PDE4D: variants seen among roughly 807,000 people sequenced by gnomAD.
PDE4D encodes the protein 3',5'-cyclic-AMP phosphodiesterase 4D.
In PDE4D, 24 loss-of-function variants were observed where a neutral mutation model predicts 87.4. The ratio of observed to expected loss-of-function variants is 0.27; its 90% confidence interval spans 0.20 to 0.39. The LOEUF (loss-of-function observed/expected upper bound fraction) is 0.39. PDE4D is among the 10% of genes least tolerant of loss of function. The probability of loss-of-function intolerance (pLI) is 1.00; values close to 1 mark genes in which losing one functional copy is unlikely to be tolerated. For synonymous variants in PDE4D, 384 were observed against 383.2 expected, an observed-to-expected ratio of 1.00 and a Z score of -0.02; for missense variants, 714 against 1,041.0, an observed-to-expected ratio of 0.69 and a Z score of 4.32.
intron 3 of PDE4D, among the ~76,000 whole-genome samples, chr5:59,920,883 G>A (rs1754592950): frequency 7.1e-6 from 1 of 139,898 alleles, no homozygotes; most frequent in Non-Finnish European, 1.6e-5. Flanking sequence ...GGGGGGAGGG[G>A]GAGGGAAAGC....
chr5:60,227,556 A>G (rs569549688), intron 1 of PDE4D, among the ~76,000 whole-genome samples: 2 of 138,892 alleles, frequency 1.4e-5, no homozygotes, highest in South Asian at 5.4e-4. Flanking sequence ...GGAAGGGTAG[A>G]AGGGAGGGAA....
At chr5:60,318,036 C>T (rs192366543) in intron 1 of PDE4D, among the ~76,000 whole-genome samples, 6 of 152,048 alleles carry the variant, frequency 3.9e-5, no homozygotes, top group Admixed American at 2.0e-4. Flanking sequence ...AATTCCTGGA[C>T]ATCCTTGTTA....
chr5:59,395,305 A>G (rs1318076183), intron 1 of PDE4D, among the ~76,000 whole-genome samples: 1 of 152,234 alleles, frequency 6.6e-6, no homozygotes, highest in African/African-American at 2.4e-5. Flanking sequence ...ACAAAAAGAC[A>G]GCAGTAACCT....
intron 1 of PDE4D, among the ~76,000 whole-genome samples, chr5:59,658,693 G>A (rs1285926791): frequency 6.6e-6 from 1 of 152,140 alleles, no homozygotes; most frequent in Non-Finnish European, 1.5e-5. Context: ...GAGCAATTGG[G>A]TGTTTGATGT....
intron 1 of PDE4D, among the ~76,000 whole-genome samples, chr5:59,797,572 A>G (rs1766635204): frequency 1.3e-5 from 2 of 152,162 alleles, no homozygotes; most frequent in African/African-American, 4.8e-5. Flanking sequence ...TGTAGAGAAT[A>G]TGTCTTCTAA....
intron 1 of PDE4D, among the ~76,000 whole-genome samples, chr5:59,835,587 A>G (rs1253039594): frequency 6.6e-6 from 1 of 152,050 alleles, no homozygotes; most frequent in Non-Finnish European, 1.5e-5. Flanking sequence ...ACATCACTTA[A>G]TAAGTTGGAT....
At position 59,369,493 on chromosome 5, in the gene PDE4D, G is replaced by C. The variant is rs114831302; in HGVS notation, c.456-153525C>G. Among the ~76,000 whole-genome samples the C allele has an allele frequency of 4.5e-3, 683 of 152,244 alleles. 3 individuals are homozygous for C. Among genetic ancestry groups the C allele is most frequent in the Middle Eastern group, 0.02 (6 of 294 alleles). On this transcript the variant is annotated intron_variant, in intron 1 of 14. Transcript: ENST00000340635. The stretch of plus-strand genomic sequence containing the variant: ...AGGCGATTCTAGGAAATCAAAGTTA[G>C]GTGATGGAGAAGTGGGATAGCAAAG...
At chr5:60,488,826 C>T (rs1749355211), upstream of PDE4D, among the ~76,000 whole-genome samples, 1 of 152,004 alleles carries the variant, frequency 6.6e-6, no homozygotes, top group African/African-American at 2.4e-5. Flanking sequence ...AAGTTACTGC[C>T]CAGTTCCTCT....
chr5:59,778,461 T>C (rs1318561725), intron 1 of PDE4D, among the ~76,000 whole-genome samples: 1 of 152,256 alleles, frequency 6.6e-6, no homozygotes, highest in African/African-American at 2.4e-5. Context: ...TAAGCTGTAG[T>C]AAAATACATA....
At chr5:60,121,443 C>T (rs1222289821) in intron 2 of PDE4D, among the ~76,000 whole-genome samples, 1 of 152,094 alleles carries the variant, frequency 6.6e-6, no homozygotes. Context: ...TGGACTTACA[C>T]TTCCATGTGT....
chr5:59,542,844 G>A (rs568927395), intron 1 of PDE4D, among the ~76,000 whole-genome samples: 10 of 152,238 alleles, frequency 6.6e-5, no homozygotes, highest in African/African-American at 2.4e-4. Flanking sequence ...AATATTTCCT[G>A]CTAGTGGACA....
At chr5:59,355,743 C>T (rs1034865686) in intron 1 of PDE4D, among the ~76,000 whole-genome samples, 31 of 152,072 alleles carry the variant, frequency 2.0e-4, no homozygotes, top group African/African-American at 4.1e-4. Context: ...AATTTGATTT[C>T]TCTGATTTTA....
Position 59,339,493 on chromosome 5 carries a change from T to C in PDE4D, c.456-123525A>G, listed in dbSNP as rs528952355. Among the ~76,000 whole-genome samples the C allele has an allele frequency of 4.9e-4, 74 of 152,316 alleles. No homozygotes were observed. The South Asian group carries it at 8.9e-3, about 18-fold the overall frequency. ...CAAAAGAAGTTTGAGAAAAAGATTTTAAAAAGTTAAACAGTTTTTTAGCAA... is the reference window on the plus strand; with the variant it reads ...CAAAAGAAGTTTGAGAAAAAGATTTCAAAAAGTTAAACAGTTTTTTAGCAA... On this transcript the variant is annotated intron_variant, in intron 1 of 14. Coordinates refer to ENST00000340635, the MANE Select transcript of PDE4D (RefSeq NM_001104631.2).
At chr5:59,144,999 A>G (rs906538155) in intron 5 of PDE4D, among the ~76,000 whole-genome samples, 5 of 150,636 alleles carry the variant, frequency 3.3e-5, no homozygotes, top group East Asian at 2.0e-4. Context: ...CAGACTATGT[A>G]TCCATGAAAA....
At chr5:59,650,676 T>C (rs1743304329) in intron 1 of PDE4D, among the ~76,000 whole-genome samples, 1 of 152,214 alleles carries the variant, frequency 6.6e-6, no homozygotes, top group Non-Finnish European at 1.5e-5. Context: ...GTTAGTAACA[T>C]CTACCATGTT....
At chr5:59,717,004 G>A (rs1755125037) in intron 1 of PDE4D, among the ~76,000 whole-genome samples, 1 of 152,180 alleles carries the variant, frequency 6.6e-6, no homozygotes, top group Non-Finnish European at 1.5e-5. Flanking sequence ...ATTGATAAAA[G>A]AGCACAGAAA....
chr5:59,800,973 A>G (rs1581170584), intron 1 of PDE4D, among the ~76,000 whole-genome samples: 1 of 152,220 alleles, frequency 6.6e-6, no homozygotes, highest in African/African-American at 2.4e-5. Context: ...TGAAGGTGCT[A>G]AACATTTTTT....
chr5:59,235,497 G>C (rs1420456504), intron 1 of PDE4D, among the ~76,000 whole-genome samples: 3 of 152,118 alleles, frequency 2.0e-5, no homozygotes, highest in Non-Finnish European at 4.4e-5. Context: ...GATGTGCCTA[G>C]AGTCTCATAG....
chr5:60,197,070 T>TAGATAGATAGATAGATAGACAGACAGAC (rs1316937670), intron 1 of PDE4D, among the ~76,000 whole-genome samples: 1 of 122,920 alleles, frequency 8.1e-6, no homozygotes, highest in African/African-American at 3.1e-5. Flanking sequence ...GATAGATAGA[T>TAGATAGATAGATAGATAGACAGACAGAC]AGACAGTTAG....
Sources: allele counts gnomAD v4.1 joint callset (sites outside exome capture counted in the v4.1 genomes callset), GRCh38; gene constraint gnomAD v4.1.1; transcripts MANE v1.5; gene names NCBI Gene and HGNC (gene_info 2026-07-23, HGNC 2026-07-21).